Variants in PRKCB observed in about 807,000 individuals in gnomAD.
PRKCB encodes the protein protein kinase C beta.
A neutral mutation model predicts 81.5 loss-of-function variants in PRKCB; 13 were observed. The observed-to-expected ratio is 0.16, with a 90% CI of 0.10 to 0.25. The LOEUF (loss-of-function observed/expected upper bound fraction) is 0.25. Ranked by LOEUF, PRKCB falls within the 10% of genes least tolerant of loss-of-function variation. The probability of loss-of-function intolerance (pLI) is 1.00; values close to 1 mark genes in which losing one functional copy is unlikely to be tolerated. For synonymous variants in PRKCB, 335 were observed against 321.4 expected (o/e 1.04, Z -0.45); for missense variants, 509 against 875.7 (o/e 0.58, Z 5.29).
At chr16:23,891,255 G>A (rs1383428275) in intron 2 of PRKCB, among the ~76,000 whole-genome samples, 1 of 152,002 alleles carries the variant, frequency 6.6e-6, no homozygotes, top group Non-Finnish European at 1.5e-5. Flanking sequence ...GTCTCACTAT[G>A]CTGCCTGCGC....
At chr16:24,143,183 T>A (rs1205509503) in intron 9 of PRKCB, among the ~76,000 whole-genome samples, 1 of 152,094 alleles carries the variant, frequency 6.6e-6, no homozygotes, top group Non-Finnish European at 1.5e-5. Flanking sequence ...TCCAGTCTGG[T>A]GTGCAGTGGC....
intron 2 of PRKCB, among the ~76,000 whole-genome samples, chr16:23,961,614 A>G (rs1047849159): frequency 1.3e-5 from 2 of 152,090 alleles, no homozygotes; most frequent in Admixed American, 6.5e-5. Context: ...ACATTTCTAA[A>G]CCAATCACAG....
chr16:24,109,280 G>A (rs1203629567), intron 7 of PRKCB, among the ~76,000 whole-genome samples: 4 of 69,004 alleles, frequency 5.8e-5, no homozygotes, highest in Non-Finnish European at 5.6e-5. Context: ...TGGCCGGGCG[G>A]GGGGCTGACC....
At chr16:23,839,459 A>G (rs1316066340) in intron 2 of PRKCB, among the ~76,000 whole-genome samples, 1 of 152,094 alleles carries the variant, frequency 6.6e-6, no homozygotes, top group African/African-American at 2.4e-5. Flanking sequence ...CAACTTTTGT[A>G]GAGAAGGGGT....
At chr16:24,156,814 C>T (rs1304103118) in intron 10 of PRKCB, among the ~76,000 whole-genome samples, 1 of 152,164 alleles carries the variant, frequency 6.6e-6, no homozygotes, top group Non-Finnish European at 1.5e-5. Flanking sequence ...TACTCCCTTA[C>T]CTTCTCCCTT....
chr16:23,986,452 A>G (rs992783887), intron 2 of PRKCB, among the ~76,000 whole-genome samples: 1 of 151,862 alleles, frequency 6.6e-6, no homozygotes, highest in Admixed American at 6.6e-5. Flanking sequence ...GGGTCTCACT[A>G]TGTTGCCCAG....
chr16:24,015,325 C>T (rs563410203), intron 3 of PRKCB, among the ~76,000 whole-genome samples: 3 of 152,342 alleles, frequency 2.0e-5, no homozygotes, highest in East Asian at 3.9e-4. Context: ...CTCGAGGCTG[C>T]ACGACTGGAA....
chr16:24,122,468 T>TTTTTTGTTC (rs1555498212), intron 8 of PRKCB, among the ~76,000 whole-genome samples: 1 of 138,930 alleles, frequency 7.2e-6, no homozygotes, highest in African/African-American at 3.3e-5. Context: ...TTTTTTTTTT[T>TTTTTTGTTC]AGTGAGAGAG....
intron 2 of PRKCB, among the ~76,000 whole-genome samples, chr16:23,936,352 G>C (rs195991): frequency 6.6e-6 from 1 of 151,816 alleles, no homozygotes; most frequent in Non-Finnish European, 1.5e-5. Context: ...TCCACCCCAC[G>C]TCTAGAAGAT....
chr16:24,030,054 C>A (rs1965532097), intron 3 of PRKCB, among the ~76,000 whole-genome samples: 1 of 152,082 alleles, frequency 6.6e-6, no homozygotes, highest in Admixed American at 6.6e-5. Context: ...CATATGCCAC[C>A]ACACCTGGCT....
Position 23,866,644 on chromosome 16 carries a change from G to C in PRKCB, c.205+29238G>C, listed in dbSNP as rs936503144. ...TCTATTACAAACAGCATGGCAATGA[G>C]CATCTTTCTACACATCTCATCAATA... On this transcript the variant is annotated intron_variant, in intron 2 of 16. Transcript: ENST00000643927. 2.1e-4 allele frequency among the ~76,000 whole-genome samples: 32 copies of C among 152,106 alleles called. 2 individuals carry two copies. The highest frequency in any genetic ancestry group is 5.8e-4 in the African/African-American group (24 of 41,410).
At chr16:24,104,048 G>A (rs1222597676) in intron 7 of PRKCB, among the ~76,000 whole-genome samples, 2 of 151,948 alleles carry the variant, frequency 1.3e-5, no homozygotes, top group Admixed American at 6.6e-5. Flanking sequence ...CAGGTGATCC[G>A]CCCGCCTCGG....
chr16:23,903,258 AGTGTGTGTGTGTGT>A (rs3073125), intron 2 of PRKCB, among the ~76,000 whole-genome samples: 11 of 147,314 alleles, frequency 7.5e-5, no homozygotes, highest in Non-Finnish European at 1.5e-4. Flanking sequence ...AGGGAACTTA[AGTGTGTGTGTGTGT>A]GTGTGTGTGT....
At chr16:23,883,652 C>T (rs569215030) in intron 2 of PRKCB, among the ~76,000 whole-genome samples, 5 of 152,106 alleles carry the variant, frequency 3.3e-5, no homozygotes, top group African/African-American at 9.7e-5. Flanking sequence ...TTTGTCTGCA[C>T]GGGCAGCAGT....
chr16:24,020,974 CTTTTTCTTTCTTTCTTTCTTTCTT>C (rs1567346542), intron 3 of PRKCB, among the ~76,000 whole-genome samples: 2 of 96,442 alleles, frequency 2.1e-5, no homozygotes, highest in African/African-American at 7.9e-5. Flanking sequence ...AGAGACTTTT[CTTTTTCTTTCTTTCTTTCTTTCTT>C]TCTTTCTTTC....
chr16:24,089,623 A>C (rs1445884160), intron 5 of PRKCB, among the ~76,000 whole-genome samples: 3 of 152,086 alleles, frequency 2.0e-5, no homozygotes, highest in Non-Finnish European at 4.4e-5. Flanking sequence ...TTTTTTAAAA[A>C]TTAGTTAGGC....
chr16:24,074,180 G>T (rs531330012), intron 5 of PRKCB, among the ~76,000 whole-genome samples: 1 of 151,998 alleles, frequency 6.6e-6, no homozygotes, highest in Non-Finnish European at 1.5e-5. Context: ...GACACACCTC[G>T]AAGCTACTGC....
chr16:24,009,156 A>T (rs1442606200), intron 3 of PRKCB, among the ~76,000 whole-genome samples: 2 of 152,206 alleles, frequency 1.3e-5, no homozygotes, highest in East Asian at 1.9e-4. Context: ...TGCAATGAAC[A>T]TGGAACTGCT....
intron 5 of PRKCB, among the ~76,000 whole-genome samples, chr16:24,080,442 C>T (rs367937417): frequency 6.6e-6 from 1 of 152,130 alleles, no homozygotes; most frequent in Non-Finnish European, 1.5e-5. Context: ...TAGATTCTTA[C>T]TGGGGCAGTT....
Sources: allele counts gnomAD v4.1 joint callset (sites outside exome capture counted in the v4.1 genomes callset), GRCh38; gene constraint gnomAD v4.1.1; transcripts MANE v1.5; gene names NCBI Gene and HGNC (gene_info 2026-07-23, HGNC 2026-07-21).